LCOR: variants seen among roughly 807,000 people sequenced by gnomAD.
The protein encoded by LCOR is ligand-dependent corepressor.
A neutral mutation model predicts 64.4 loss-of-function variants in LCOR; 14 were observed. The ratio of observed to expected loss-of-function variants is 0.22; its 90% CI spans 0.14 to 0.34. The LOEUF (loss-of-function observed/expected upper bound fraction) is 0.34, where lower values mean the gene tolerates loss of function less well. LCOR is among the 10% of genes least tolerant of loss of function. The probability of loss-of-function intolerance (pLI) is 1.00; values close to 1 mark genes in which losing one functional copy is unlikely to be tolerated. For synonymous variants in LCOR, 643 were observed against 642.5 expected (o/e 1.00, Z -0.01); for missense variants, 1,686 against 1,765.3 (o/e 0.96, Z 0.80).
chr10:96,975,730 T>C (rs1447731529), intron 7 of LCOR, among the ~76,000 whole-genome samples: 1 of 151,866 alleles, frequency 6.6e-6, no homozygotes, highest in Non-Finnish European at 1.5e-5. Flanking sequence ...TATACAAGAC[T>C]CTGGCCAGGA....
chr10:96,874,814 T>G (rs1846136649), intron 2 of LCOR, among the ~76,000 whole-genome samples: 3 of 151,960 alleles, frequency 2.0e-5, no homozygotes, highest in Admixed American at 6.6e-5. Flanking sequence ...ATTTTTGTAT[T>G]TTTAGTAGAG....
chr10:96,920,854 A>G (rs1011892064), intron 4 of LCOR, among the ~76,000 whole-genome samples: 6 of 151,312 alleles, frequency 4.0e-5, no homozygotes, highest in African/African-American at 9.7e-5. Flanking sequence ...CTGGAGTACA[A>G]TGGTGCAAAC....
intron 7 of LCOR, chr10:96,955,458 A>G: frequency 1.9e-6 from 3 of 1,614,150 alleles, no homozygotes; most frequent in African/African-American, 1.3e-5. Context: ...CTCTTTGGTA[A>G]TGGGTTCACA....
At chr10:96,860,367 C>T (rs761056604) in intron 2 of LCOR, among the ~76,000 whole-genome samples, 9 of 152,094 alleles carry the variant, frequency 5.9e-5, no homozygotes, top group African/African-American at 7.2e-5. Context: ...GATACAGACA[C>T]GGAAGATGGA....
At position 96,981,610 on chromosome 10, in the gene LCOR, A is replaced by G. The variant is rs780567495; in HGVS notation, c.1150A>G (p.Asn384Asp). ...KTPLRQDLEA[N>D]EQDARPKQEN... ...ACCTTTGCGCCAGGATTTAGAGGCA[A>G]ATGAACAAGATGCAAGGCCAAAGCA... is the stretch of plus-strand genomic sequence containing the variant. The change falls in exon 8 of 8, where the codon AAT becomes GAT. Residue 384 changes from asparagine (N) to aspartate (D), a missense_variant. This residue lies in a region of LCOR where 313 missense variants were observed against 247.2 expected (regional missense o/e 1.27). Transcript: ENST00000421806. 1.9e-6 allele frequency: 3 copies of G among 1,614,252 alleles called. No individual in the cohort carries two copies. Among genetic ancestry groups the G allele is most frequent in the South Asian group, 1.1e-5 (1 of 91,086 alleles).
intron 4 of LCOR, among the ~76,000 whole-genome samples, chr10:96,911,940 C>CT (rs370366571): frequency 1.7e-4 from 25 of 151,184 alleles, no homozygotes; most frequent in Admixed American, 6.6e-4. Flanking sequence ...TTCTTTCTTT[C>CT]TTTTTTTTTG....
In LCOR at chr10:96,981,652, T is replaced by A. The variant is rs1179340128; in HGVS notation, c.1192T>A (p.Ser398Thr). 2 of 1,614,078 alleles carry A rather than the reference T, an allele frequency of 1.2e-6. No individual in the cohort carries two copies. Among genetic ancestry groups the A allele is most frequent in the African/African-American group, 2.7e-5 (2 of 74,924 alleles). ...GCCAAAGCAAGAGAACCATCTTCAC[T>A]CTCTGGGAAGAAATAAGGTGGGTTA... ...ARPKQENHLHSLGRNKVGYHL... is the reference protein window; with the variant it reads ...ARPKQENHLHTLGRNKVGYHL... The change falls in exon 8 of 8, where the codon TCT becomes ACT. Residue 398 changes from serine to threonine, a missense_variant. Ser to Thr is a moderately conservative substitution (Grantham distance 58, BLOSUM62 1). Around this residue, in one of 3 missense-constraint regions of LCOR, gnomAD observed 1,293 missense variants for 1,410.4 expected, o/e 0.92. Transcript: ENST00000421806.
rs185382724 is a variant in LCOR, at chr10:96,919,434, T to C, written c.-184+11687T>C. Among the ~76,000 whole-genome samples the C allele has an allele frequency of 6.3e-3, 964 of 152,272 alleles. 12 individuals are homozygous for C. Among genetic ancestry groups the C allele is most frequent in the African/African-American group, 0.022 (906 of 41,564 alleles). ...CTGCTTCTCTTCCCCCCTTCCCCTTTTATTAGGTCTCCATCTTTTTTGAAA... is the reference window on the plus strand; with the variant it reads ...CTGCTTCTCTTCCCCCCTTCCCCTTCTATTAGGTCTCCATCTTTTTTGAAA... On this transcript the variant is annotated intron_variant, in intron 4 of 7. Transcript: ENST00000421806.
At chr10:96,952,031 A>G (rs1404093567) in intron 6 of LCOR, 72 bp from the exon 7 acceptor site, 1 of 1,078,696 alleles carries the variant, frequency 9.3e-7, no homozygotes, top group Admixed American at 2.0e-5. Context: ...CTGCTTTTTC[A>G]TTTTTAGCCT....
intron 4 of LCOR, among the ~76,000 whole-genome samples, chr10:96,926,332 G>A (rs1164928656): frequency 6.6e-6 from 1 of 152,156 alleles, no homozygotes; most frequent in Non-Finnish European, 1.5e-5. Flanking sequence ...GAAATTTATG[G>A]AAAGTAAAAT....
chr10:96,870,763 C>A (rs988151922), intron 2 of LCOR, among the ~76,000 whole-genome samples: 1 of 152,152 alleles, frequency 6.6e-6, no homozygotes, highest in Non-Finnish European at 1.5e-5. Flanking sequence ...CCCTCCTAGT[C>A]CTTCTTTAGT....
At chr10:96,939,599 G>T (rs1359795534) in intron 4 of LCOR, among the ~76,000 whole-genome samples, 1 of 152,142 alleles carries the variant, frequency 6.6e-6, no homozygotes, top group African/African-American at 2.4e-5. Context: ...ATCTAATAAT[G>T]GACTTGTTTC....
In LCOR at chr10:96,982,129, G is replaced by T; in HGVS notation, c.1669G>T (p.Val557Leu). 6.2e-7 allele frequency: 1 copy of T among 1,614,170 alleles called. No homozygotes were observed. Residue 557 changes from valine to leucine, a missense_variant, in exon 8 of 8, where the codon GTG (valine) becomes TTG (leucine). Val to Leu is a conservative substitution (Grantham distance 32). Coordinates refer to ENST00000421806, the MANE Select transcript of LCOR (RefSeq NM_001346516.2). ...TIPAPRHTVD[V>L]QLPREDNPEE... is the part of the protein sequence containing the mutation. ...TCCAGCCCCTAGACATACAGTAGAT[G>T]TGCAGCTTCCCAGAGAAGACAACCC... is the stretch of plus-strand genomic sequence containing the variant.
intron 2 of LCOR, among the ~76,000 whole-genome samples, chr10:96,854,255 C>G (rs895693717): frequency 7.2e-5 from 11 of 152,190 alleles, no homozygotes; most frequent in South Asian, 4.1e-4. Flanking sequence ...ATAAAGTTAC[C>G]TGGCAAAGGG....
intron 2 of LCOR, among the ~76,000 whole-genome samples, chr10:96,880,939 T>C (rs1473700142): frequency 6.6e-6 from 1 of 152,236 alleles, no homozygotes; most frequent in African/African-American, 2.4e-5. Flanking sequence ...ATAACTAATA[T>C]TGAAGATGCA....
chr10:96,940,085 A>G (rs1254361337), intron 4 of LCOR, among the ~76,000 whole-genome samples: 6 of 152,212 alleles, frequency 3.9e-5, no homozygotes, highest in Admixed American at 3.9e-4. Context: ...TTAAACCATG[A>G]GATAATACCA....
intron 4 of LCOR, among the ~76,000 whole-genome samples, chr10:96,908,804 C>T (rs564626036): frequency 5.3e-4 from 81 of 152,220 alleles, no homozygotes; most frequent in African/African-American, 1.9e-3. Context: ...CAGGCTCCCC[C>T]CTCCGGGTTT....
At chr10:96,925,580 A>G (rs1030468049) in intron 4 of LCOR, among the ~76,000 whole-genome samples, 13 of 152,132 alleles carry the variant, frequency 8.5e-5, no homozygotes, top group African/African-American at 2.9e-4. Flanking sequence ...AGGTGATGTT[A>G]ACTTTGTTTT....
chr10:96,868,326 G>A (rs1724796648), intron 2 of LCOR, among the ~76,000 whole-genome samples: 1 of 148,766 alleles, frequency 6.7e-6, no homozygotes, highest in Admixed American at 6.7e-5. Flanking sequence ...TCAGGCTGGA[G>A]TGCAGTGGCA....
Sources: allele counts gnomAD v4.1 joint callset (sites outside exome capture counted in the v4.1 genomes callset), GRCh38; gene constraint gnomAD v4.1.1; regional missense constraint gnomAD v4.1.1; transcripts MANE v1.5; gene names NCBI Gene and HGNC (gene_info 2026-07-23, HGNC 2026-07-21).